Variants in GLUD1 observed in about 807,000 individuals in gnomAD.
GLUD1 encodes glutamate dehydrogenase 1, mitochondrial.
In GLUD1, 22 loss-of-function variants were observed where a neutral mutation model predicts 56.0. The observed-to-expected ratio is 0.39, with a 90% confidence interval of 0.28 to 0.56. The LOEUF (loss-of-function observed/expected upper bound fraction) is 0.56. Among genes scored for constraint, GLUD1 ranks in the 20% least tolerant of loss-of-function variants. GLUD1 has a pLI of 0.58. For synonymous variants in GLUD1, 223 were observed against 269.9 expected (o/e 0.83, Z 1.70); for missense variants, 451 against 732.0 (o/e 0.62, Z 4.43).
intron 1 of GLUD1, among the ~76,000 whole-genome samples, chr10:87,080,563 C>A (rs61858867): frequency 6.3e-5 from 9 of 141,940 alleles, no homozygotes; most frequent in East Asian, 2.1e-4. Flanking sequence ...CCATCGTCTG[C>A]GATGTGGGGA....
chr10:87,070,745 G>A (rs143779310), intron 4 of GLUD1, among the ~76,000 whole-genome samples: 26 of 152,174 alleles, frequency 1.7e-4, no homozygotes, highest in South Asian at 6.2e-4. Context: ...AACAGCTTCT[G>A]CCATCCAAAA....
In GLUD1 at chr10:87,062,887, T is replaced by G. The variant is rs752143892; in HGVS notation, c.742-52A>C. The stretch of plus-strand genomic sequence containing the variant: ...GAAATGTCAAGTCCAATTTCTCTGT[T>G]GAAGGAACATAATGAATTAAAGTCA... On this transcript the variant is annotated intron_variant, in intron 5 of 12. Coordinates refer to ENST00000277865, the MANE Select transcript of GLUD1 (RefSeq NM_005271.5). The G allele has an allele frequency of 6.6e-6, 10 of 1,512,942 alleles. 1 individual carries two copies. Among genetic ancestry groups the G allele is most frequent in the Admixed American group, 3.4e-5 (2 of 58,646 alleles). The allele number at this position is 1,512,942 out of a possible 1,614,324, so 93.7% of individuals were successfully genotyped here.
chr10:87,050,910 AT>A lies in GLUD1; in HGVS notation c.*840del, dbSNP rs1845615530. ...CAAAAGAGAACAATTAGTTAACATG[AT>A]AAAAAGTGACTGCATTCTTTGGACT... is the stretch of plus-strand genomic sequence containing the variant. On this transcript the variant is annotated 3_prime_UTR_variant, in exon 13 of 13. Coordinates refer to ENST00000277865, the MANE Select transcript of GLUD1 (RefSeq NM_005271.5). The A allele has an allele frequency of 1.3e-5, 2 of 152,308 alleles. No individual in the cohort carries two copies. Among genetic ancestry groups the A allele is most frequent in the Admixed American group, 6.5e-5 (1 of 15,284 alleles). The allele number at this position is 152,308 out of a possible 1,614,324, so 9.4% of individuals were successfully genotyped here.
chr10:87,053,260 A>G lies in GLUD1; in HGVS notation c.1557+82T>C. ...ACAGATTGATGTTTTCTATCAGCAC[A>G]TACAGTCTGGCGGCTGAGATAGCAT... On this transcript the variant is annotated intron_variant, in intron 12 of 12. Transcript: ENST00000277865. 6.8e-6 allele frequency: 6 copies of G among 882,296 alleles called. No individual in the cohort carries two copies. The Middle Eastern group carries it at 6.4e-4, about 95-fold the overall frequency. The allele number at this position is 882,296 out of a possible 1,614,324, so 54.7% of individuals were successfully genotyped here. A position where few individuals can be genotyped will look rare whatever the true frequency, so the allele number is the denominator to read the frequency against.
At chr10:87,073,868 G>A (rs1846308324) in intron 4 of GLUD1, among the ~76,000 whole-genome samples, 1 of 151,908 alleles carries the variant, frequency 6.6e-6, no homozygotes, top group Non-Finnish European at 1.5e-5. Flanking sequence ...TGATCCACCT[G>A]CCTCGGCCTC....
At position 87,094,250 on chromosome 10, in the gene GLUD1, C is replaced by A; in HGVS notation, c.445+75G>T. On this transcript the variant is annotated intron_variant, in intron 1 of 12. Transcript: ENST00000277865. This position sits in a 1 kb window ranked among gnomAD's most constrained non-coding sequence, Gnocchi z 6.6. ...GCTGGGCTGGGCTGAGCAGCGGCCC[C>A]GCACCGGCAGGAGGCCGGAGGGGAG... 2 of 1,519,910 alleles carry A rather than the reference C, an allele frequency of 1.3e-6. No individual in the cohort carries two copies. Among genetic ancestry groups the A allele is most frequent in the Non-Finnish European group, 8.9e-7 (1 of 1,124,662 alleles). The allele number at this position is 1,519,910 out of a possible 1,614,324, so 94.2% of individuals were successfully genotyped here. A position where few individuals can be genotyped will look rare whatever the true frequency, so the allele number is the denominator to read the frequency against.
At chr10:87,075,061 T>C (rs1243041907) in intron 3 of GLUD1, among the ~76,000 whole-genome samples, 3 of 152,222 alleles carry the variant, frequency 2.0e-5, no homozygotes, top group African/African-American at 4.8e-5. Flanking sequence ...AGTTAAGATA[T>C]GTGTCACTAG....
At chr10:87,087,526 A>G (rs1197110716) in intron 1 of GLUD1, among the ~76,000 whole-genome samples, 1 of 152,196 alleles carries the variant, frequency 6.6e-6, no homozygotes, top group African/African-American at 2.4e-5. Context: ...CCAGAAGCCC[A>G]TTAAGAGTGT....
In GLUD1 at chr10:87,084,373, A is replaced by G. The variant is rs1206080334; in HGVS notation, c.446-7717T>C. Among the ~76,000 whole-genome samples the G allele has an allele frequency of 2.6e-5, 4 of 152,268 alleles. No homozygotes were observed. The South Asian group carries it at 6.2e-4, about 24-fold the overall frequency. Reference sequence around the variant, plus strand: ...TTAATTACCACAGATATTCCTTAGTATGCTCAAGTCTAATGAGCAGTACAT... The same window carrying G: ...TTAATTACCACAGATATTCCTTAGTGTGCTCAAGTCTAATGAGCAGTACAT... On this transcript the variant is annotated intron_variant, in intron 1 of 12. Coordinates refer to ENST00000277865, the MANE Select transcript of GLUD1 (RefSeq NM_005271.5).
chr10:87,070,858 C>T (rs776663593), intron 4 of GLUD1, among the ~76,000 whole-genome samples: 3 of 151,634 alleles, frequency 2.0e-5, no homozygotes, highest in Non-Finnish European at 4.4e-5. Flanking sequence ...AGGCCGGGTG[C>T]GGTGCTCATG....
At chr10:87,061,107 A>G in intron 6 of GLUD1, 55 bp from the exon 7 acceptor site, 8 of 1,493,948 alleles carry the variant, frequency 5.4e-6, no homozygotes, top group Non-Finnish European at 6.5e-6. Flanking sequence ...ATAGACAGCA[A>G]GAGTCATATT....
intron 3 of GLUD1, among the ~76,000 whole-genome samples, chr10:87,074,838 AT>A (rs1254118857): frequency 5.9e-5 from 9 of 152,172 alleles, no homozygotes; most frequent in Non-Finnish European, 2.9e-5. Context: ...TCAAATTCCC[AT>A]TCTATTAATT....
At chr10:87,062,360 C>T (rs1275133802) in intron 6 of GLUD1, among the ~76,000 whole-genome samples, 1 of 152,060 alleles carries the variant, frequency 6.6e-6, no homozygotes, top group Non-Finnish European at 1.5e-5. Context: ...AGAGACTTGC[C>T]CTTCTAGCTA....
rs1264566678 is a variant in GLUD1, at chr10:87,094,298, G to T, written c.445+27C>A. 5 of 1,578,790 alleles carry T rather than the reference G, an allele frequency of 3.2e-6. No homozygotes were observed. The highest frequency in any genetic ancestry group is 4.3e-6 in the Non-Finnish European group (5 of 1,163,688). On this transcript the variant is annotated intron_variant, in intron 1 of 12. Transcript: ENST00000277865. The surrounding 1 kb of genome is among the most constrained non-coding windows in gnomAD (Gnocchi z 6.6). ...GAGGGCCGCAGGGGAGGCAGGGAGG[G>T]CGGGACGGGGCCCGGCCGACGCTCA...
intron 6 of GLUD1, among the ~76,000 whole-genome samples, chr10:87,061,389 G>A (rs1188655703): frequency 2.0e-5 from 3 of 151,976 alleles, no homozygotes; most frequent in African/African-American, 7.2e-5. Flanking sequence ...CATGGGGTCC[G>A]TGCCTGTAAT....
chr10:87,085,879 T>A (rs985412762), intron 1 of GLUD1, among the ~76,000 whole-genome samples: 14 of 152,254 alleles, frequency 9.2e-5, no homozygotes, highest in African/African-American at 3.1e-4. Context: ...TAGATTCTTT[T>A]ATTCTGATCT....
At chr10:87,086,138 G>A (rs759961803) in intron 1 of GLUD1, among the ~76,000 whole-genome samples, 5 of 152,202 alleles carry the variant, frequency 3.3e-5, no homozygotes, top group Admixed American at 1.3e-4. Flanking sequence ...GGGGAAGTGA[G>A]GCATGGACAG....
chr10:87,079,669 A>G (rs1052385291), intron 1 of GLUD1, among the ~76,000 whole-genome samples: 5 of 152,178 alleles, frequency 3.3e-5, no homozygotes, highest in African/African-American at 1.2e-4. Flanking sequence ...AACATCGCAC[A>G]TGGGGAATCT....
At chr10:87,055,037 G>A (rs761947115) in intron 11 of GLUD1, among the ~76,000 whole-genome samples, 7 of 152,216 alleles carry the variant, frequency 4.6e-5, no homozygotes, top group Non-Finnish European at 8.8e-5. Flanking sequence ...AAAATGTGAT[G>A]TAATCACTCA....
Sources: gnomAD v4.1 joint callset for allele counts (sites outside exome capture counted in the v4.1 genomes callset) on GRCh38, gnomAD v4.1.1 for gene constraint, Gnocchi (gnomAD v3.1) non-coding constraint, MANE v1.5 for transcripts, NCBI Gene and HGNC (gene_info 2026-07-23, HGNC 2026-07-21) for gene names.